Variants in PALB2 observed in about 807,000 individuals in gnomAD.
PALB2 encodes mutant partner and localizer of BRCA2.
PALB2 carries 82 observed loss-of-function variants against 107.4 expected under a neutral mutation model. The observed-to-expected ratio is 0.76, with a 90% CI of 0.64 to 0.92. The LOEUF is 0.92. Ranked by LOEUF, PALB2 falls within the 40% of genes least tolerant of loss-of-function variation. The pLI is 0.00. For synonymous variants in PALB2, 489 were observed against 496.8 expected, an observed-to-expected ratio of 0.98 and a Z score of 0.21; for missense variants, 1,374 against 1,379.9, an observed-to-expected ratio of 1.00 and a Z score of 0.07.
At chr16:23,631,313 A>G (rs898884501) in intron 4 of PALB2, among the ~76,000 whole-genome samples, 2 of 146,004 alleles carry the variant, frequency 1.4e-5, no homozygotes, top group African/African-American at 2.5e-5. Context: ...AAACTAAACT[A>G]AAAAAATTAG....
intron 1 of PALB2, 79 bp downstream of exon 1, chr16:23,641,025 GACTGCC>G: frequency 1.3e-6 from 2 of 1,496,002 alleles, no homozygotes; most frequent in South Asian, 2.4e-5. Flanking sequence ...GCTGCCCTCG[GACTGCC>G]GAGGACACAA....
At position 23,627,486 on chromosome 16, in the gene PALB2, TC is replaced by T. The variant is rs1393432268; in HGVS notation, c.2587-1090del. Among the ~76,000 whole-genome samples the T allele has an allele frequency of 7.0e-5, 8 of 113,612 alleles. No homozygotes were observed. In the East Asian group the frequency reaches 9.5e-4, roughly 14 times the overall value. 74.5% of individuals were successfully genotyped at this position (113,612 alleles called of 152,430 possible). On this transcript the variant is annotated intron_variant, in intron 6 of 12. Coordinates refer to ENST00000261584, the MANE Select transcript of PALB2 (RefSeq NM_024675.4). ...TCCAGCCTGGGCGACAGAGCAAGACTCCGTCTCAAAAAAAAAAAAAAAAAAG... is the reference window on the plus strand; with the variant it reads ...TCCAGCCTGGGCGACAGAGCAAGACTCGTCTCAAAAAAAAAAAAAAAAAAG...
chr16:23,640,930 C>G, intron 1 of PALB2, 180 bp downstream of exon 1: 2 of 674,044 alleles, frequency 3.0e-6, no homozygotes, highest in South Asian at 3.9e-5. Flanking sequence ...TCTTTAAACG[C>G]CACCACGTGA....
Position 23,635,261 on chromosome 16 carries a change from T to C in PALB2, c.1285A>G (p.Ile429Val), listed in dbSNP as rs1555461360. ...TTCTTGACATCCAAATGACTCTGAA[T>C]GACAGCCTCCACGGCTACTTTCCTC... is the stretch of plus-strand genomic sequence containing the variant. ...CQRKVAVEAV[I>V]QSHLDVKKKG... is the part of the protein sequence containing the mutation. The change falls in exon 4 of 13, where the codon ATT (isoleucine) becomes GTT (valine). Residue 429 changes from isoleucine (I) to valine (V), a missense_variant. Transcript: ENST00000261584. 6.2e-7 allele frequency: 1 copy of C among 1,614,214 alleles called. No individual in the cohort carries two copies. The highest frequency in any genetic ancestry group is 8.5e-7 in the Non-Finnish European group (1 of 1,180,052).
intron 4 of PALB2, among the ~76,000 whole-genome samples, chr16:23,631,330 ATGG>A (rs994521769): frequency 6.8e-6 from 1 of 147,906 alleles, no homozygotes; most frequent in African/African-American, 2.5e-5. Flanking sequence ...TTAGCTGGGC[ATGG>A]TGGTGCGTGC....
chr16:23,625,118 A>C, intron 7 of PALB2, among the ~76,000 whole-genome samples: 1 of 152,140 alleles, frequency 6.6e-6, no homozygotes, highest in East Asian at 1.9e-4. Flanking sequence ...GGATCACTTG[A>C]GGTCAGGAGT....
chr16:23,615,147 C>T (rs1012974048), intron 10 of PALB2, among the ~76,000 whole-genome samples: 1 of 151,372 alleles, frequency 6.6e-6, no homozygotes. Context: ...CAGGGTTTCA[C>T]CAGGTTGGCC....
chr16:23,606,821 C>CTTTTTTTTTTTTTTTTTT (rs545664784), intron 12 of PALB2, among the ~76,000 whole-genome samples: 3 of 108,592 alleles, frequency 2.8e-5, no homozygotes, highest in African/African-American at 1.2e-4. Flanking sequence ...CTGCACCCTG[C>CTTTTTTTTTTTTTTTTTT]TTTTTTTTTT....
chr16:23,606,450 G>A (rs1394463506), intron 12 of PALB2, among the ~76,000 whole-genome samples: 1 of 152,148 alleles, frequency 6.6e-6, no homozygotes, highest in African/African-American at 2.4e-5. Flanking sequence ...ATGTCTTTTA[G>A]AACATGCACT....
Position 23,603,259 on chromosome 16 carries a change from A to G in PALB2, c.*200T>C, listed in dbSNP as rs1381024883. The G allele has an allele frequency of 1.8e-6, 1 of 557,264 alleles. No homozygotes were observed. Among genetic ancestry groups the G allele is most frequent in the Non-Finnish European group, 3.2e-6 (1 of 314,016 alleles). 34.5% of individuals were successfully genotyped at this position (557,264 alleles called of 1,614,324 possible). A position where few individuals can be genotyped will look rare whatever the true frequency, so the allele number is the denominator to read the frequency against. On this transcript the variant is annotated 3_prime_UTR_variant, in exon 13 of 13. Coordinates refer to ENST00000261584, the MANE Select transcript of PALB2 (RefSeq NM_024675.4). Reference sequence around the variant, plus strand: ...GGGAAATTACAAAAATCAACCTAAAACCCTTTTTCTCAAAGTATACATAAA... The same window carrying G: ...GGGAAATTACAAAAATCAACCTAAAGCCCTTTTTCTCAAAGTATACATAAA...
Position 23,634,893 on chromosome 16 carries a change from A to C in PALB2, c.1653T>G (p.Tyr551Ter), listed in dbSNP as rs118203997. The change falls in exon 4 of 13, where the codon TAT becomes TAG. Residue 551 changes from tyrosine (Y) to a stop codon, truncating the protein, a stop_gained. Transcript: ENST00000261584. LOFTEE classifies it high-confidence loss of function. ...RSKEEVTSHK[Y>*]QHEKLFIQVK... ...CTTGAATAAATAATTTTTCGTGCTG[A>C]TATTTGTGTGAGGTGACTTCTTCCT... 1 of 1,614,014 alleles carries C rather than the reference A, an allele frequency of 6.2e-7. No homozygotes were observed. The highest frequency in any genetic ancestry group is 8.5e-7 in the Non-Finnish European group (1 of 1,179,970).
chr16:23,607,016 CT>C (rs1306947664), intron 12 of PALB2, among the ~76,000 whole-genome samples: 3 of 149,622 alleles, frequency 2.0e-5, no homozygotes, highest in African/African-American at 7.4e-5. Context: ...GTTTCACCAT[CT>C]TGGCCAGGCT....
At chr16:23,622,301 A>G (rs1009354126) in intron 9 of PALB2, among the ~76,000 whole-genome samples, 1 of 152,190 alleles carries the variant, frequency 6.6e-6, no homozygotes, top group Non-Finnish European at 1.5e-5. Context: ...GTCAGCACCA[A>G]GATGGTCAGT....
intron 4 of PALB2, among the ~76,000 whole-genome samples, chr16:23,632,791 A>T (rs1346910194): frequency 2.6e-5 from 4 of 152,210 alleles, no homozygotes; most frequent in Non-Finnish European, 5.9e-5. Context: ...CTACAATTAT[A>T]GCAGACTATT....
intron 8 of PALB2, among the ~76,000 whole-genome samples, chr16:23,623,437 C>T (rs942858419): frequency 4.1e-5 from 6 of 147,442 alleles, no homozygotes; most frequent in Non-Finnish European, 7.4e-5. Flanking sequence ...CTCCTGACCT[C>T]GTGATCCACC....
intron 12 of PALB2, chr16:23,607,265 A>C (rs1323018783): frequency 6.6e-6 from 1 of 151,048 alleles, no homozygotes; most frequent in Non-Finnish European, 1.5e-5. Flanking sequence ...TTAAATACAG[A>C]ACGTTCATTA....
Position 23,607,900 on chromosome 16 carries a change from A to C in PALB2, c.3314T>G (p.Val1105Gly). 3.1e-6 allele frequency: 5 copies of C among 1,614,102 alleles called. No homozygotes were observed. The highest frequency in any genetic ancestry group is 4.2e-6 in the Non-Finnish European group (5 of 1,180,018). ...INPKTTLSVG[V>G]MLYCLPPGQA... ...CCCTGGAGGAAGACAGTACAGCATC[A>C]CACCCACGCTGAGAGTCGTCTTAGG... The change falls in exon 12 of 13, where the codon GTG becomes GGG. Residue 1105 changes from valine to glycine, a missense_variant. Val to Gly is a moderately radical substitution (Grantham distance 109). Coordinates refer to ENST00000261584, the MANE Select transcript of PALB2 (RefSeq NM_024675.4).
chr16:23,609,320 C>T (rs118118888), intron 11 of PALB2, among the ~76,000 whole-genome samples: 1 of 152,192 alleles, frequency 6.6e-6, no homozygotes, highest in East Asian at 1.9e-4. Context: ...ATCAACTTGG[C>T]AGGCTGAGTG....
intron 10 of PALB2, among the ~76,000 whole-genome samples, chr16:23,618,684 T>A (rs1047867013): frequency 3.3e-4 from 49 of 150,172 alleles, no homozygotes; most frequent in East Asian, 5.8e-4. Context: ...TAAAAAAATT[T>A]AAAAAAAAAA....
Sources: allele counts gnomAD v4.1 joint callset (sites outside exome capture counted in the v4.1 genomes callset), GRCh38; gene constraint gnomAD v4.1.1; transcripts MANE v1.5; gene names NCBI Gene and HGNC (gene_info 2026-07-23, HGNC 2026-07-21).